The following DCAF8L2 variants were observed in gnomAD, a reference collection of about 807,000 sequenced individuals.
DCAF8L2 encodes DDB1 and CUL4 associated factor 8 like 2.
For missense variants in DCAF8L2, 430 were observed against 490.7 expected (o/e 0.88, Z 1.17); for synonymous variants, 200 against 190.9 (o/e 1.05, Z -0.39).
chrX:27,747,609 G>C lies in DCAF8L2; in HGVS notation c.714G>C (p.Gln238His). 8.3e-7 allele frequency: 1 copy of C among 1,202,918 alleles called. No homozygotes were observed. The highest frequency in any genetic ancestry group is 1.1e-6 in the Non-Finnish European group (1 of 890,797). Residue 238 changes from glutamine (Q) to histidine (H), a missense_variant, in exon 5 of 5, where the codon CAG becomes CAC. Coordinates refer to ENST00000451261, the MANE Select transcript of DCAF8L2 (RefSeq NM_001353450.2). ...VGCVNTVHFN[Q>H]RGTRLASSGD... The stretch of plus-strand genomic sequence containing the variant: ...GTGTCAATACTGTACACTTTAACCA[G>C]CGTGGCACCCGGCTGGCCAGTAGCG...
At position 27,684,554 on chromosome X, in the gene DCAF8L2, T is replaced by C. The variant is rs375444268; in HGVS notation, c.-143+6642T>C. On this transcript the variant is annotated intron_variant, in intron 3 of 4. Coordinates refer to ENST00000451261, the MANE Select transcript of DCAF8L2 (RefSeq NM_001353450.2). ...TCCAGAGACTGATAGCATATACAAC[T>C]TCCCTAATGAATATCAGAACCATAA... is the stretch of plus-strand genomic sequence containing the variant. 4.2e-3 allele frequency among the ~76,000 whole-genome samples: 470 copies of C among 111,512 alleles called. 1 individual carries two copies. Among genetic ancestry groups the C allele is most frequent in the African/African-American group, 0.014 (444 of 30,700 alleles).
chrX:27,577,573 A>G, the DCAF8L2 span, among the ~76,000 whole-genome samples: 1 of 112,100 alleles, frequency 8.9e-6, no homozygotes, highest in African/African-American at 3.2e-5. Flanking sequence ...CATAAATTAG[A>G]GAAAGGGCAT....
intron 4 of DCAF8L2, among the ~76,000 whole-genome samples, chrX:27,735,260 C>A (rs1166770174): frequency 1.8e-5 from 2 of 111,540 alleles, no homozygotes; most frequent in Non-Finnish European, 3.8e-5. Context: ...AATATAAAGA[C>A]AGGATGGTGC....
the DCAF8L2 span, among the ~76,000 whole-genome samples, chrX:27,533,228 AAGAAAGAGAAAGAAAGAAAGAAAGAAAG>A: frequency 2.3e-5 from 1 of 42,844 alleles, no homozygotes; most frequent in Admixed American, 3.2e-4. Context: ...GAAAGAAAGA[AAGAAAGAGAAAGAAAGAAAGAAAGAAAG>A]AAAGTCAAGC....
At chrX:27,597,726 T>C (rs893226726) in intron 1 of DCAF8L2, among the ~76,000 whole-genome samples, 8 of 112,334 alleles carry the variant, frequency 7.1e-5, no homozygotes, top group Admixed American at 9.5e-5. Flanking sequence ...AATTCAATTC[T>C]GCAATATATC....
the DCAF8L2 span, among the ~76,000 whole-genome samples, chrX:27,536,647 GA>G: frequency 5.7e-5 from 6 of 105,117 alleles, no homozygotes; most frequent in Admixed American, 1.0e-4. Flanking sequence ...GGAAAAATAG[GA>G]AAAAAAAAAC....
the DCAF8L2 span, among the ~76,000 whole-genome samples, chrX:27,499,876 A>G: frequency 9.0e-6 from 1 of 111,171 alleles, no homozygotes; most frequent in African/African-American, 3.3e-5. Flanking sequence ...ATCCCTTATT[A>G]GATATATGCT....
chrX:27,587,985 A>AAAAAAAAAAAAATATATATATATAT, upstream of DCAF8L2, among the ~76,000 whole-genome samples: 2 of 22,371 alleles, frequency 8.9e-5, no homozygotes, highest in African/African-American at 2.0e-4. Context: ...TAAAAAAAAA[A>AAAAAAAAAAAAATATATATATATAT]ATATATATAT....
chrX:27,664,659 A>C (rs969327493), intron 2 of DCAF8L2, among the ~76,000 whole-genome samples: 3 of 112,186 alleles, frequency 2.7e-5, no homozygotes, highest in African/African-American at 9.7e-5. Context: ...AGAATAAGTC[A>C]ATGCTTGGCT....
At chrX:27,507,870 A>C in the DCAF8L2 span, among the ~76,000 whole-genome samples, 1 of 111,501 alleles carries the variant, frequency 9.0e-6, no homozygotes, top group Non-Finnish European at 1.9e-5. Flanking sequence ...TGTATAATAT[A>C]ATCTATGTAA....
chrX:27,606,390 A>G (rs1926905149), intron 1 of DCAF8L2, among the ~76,000 whole-genome samples: 1 of 46,139 alleles, frequency 2.2e-5, no homozygotes, highest in Admixed American at 2.3e-4. Flanking sequence ...TATTCTTTTG[A>G]GACAGAGTCT....
At chrX:27,704,224 G>C (rs1391195652) in intron 3 of DCAF8L2, among the ~76,000 whole-genome samples, 9 of 86,113 alleles carry the variant, frequency 1.0e-4, no homozygotes, top group Non-Finnish European at 1.9e-4. Context: ...GCGCGCACAT[G>C]TGCGTGTACA....
intron 3 of DCAF8L2, among the ~76,000 whole-genome samples, chrX:27,705,972 G>A (rs1253085335): frequency 9.0e-6 from 1 of 111,370 alleles, no homozygotes; most frequent in Non-Finnish European, 1.9e-5. Flanking sequence ...TTTGTATGTG[G>A]TATAAGGAAG....
At chrX:27,501,273 CTGTGTGTGTGTATG>C in the DCAF8L2 span, among the ~76,000 whole-genome samples, 1 of 101,243 alleles carries the variant, frequency 9.9e-6, no homozygotes, top group Non-Finnish European at 2.0e-5. Flanking sequence ...CCCTCCTCTG[CTGTGTGTGTGTATG>C]TGTGTGTGTG....
intron 3 of DCAF8L2, among the ~76,000 whole-genome samples, chrX:27,684,224 A>G (rs1383287476): frequency 9.0e-6 from 1 of 111,630 alleles, no homozygotes; most frequent in African/African-American, 3.3e-5. Flanking sequence ...AAACATGACC[A>G]CAGGTAGGAT....
At chrX:27,571,439 C>G in the DCAF8L2 span, among the ~76,000 whole-genome samples, 1 of 111,620 alleles carries the variant, frequency 9.0e-6, no homozygotes, top group Admixed American at 9.6e-5. Flanking sequence ...TGCTAGAGTT[C>G]TGAAGTTTTT....
chrX:27,683,109 C>T (rs960467964), intron 3 of DCAF8L2, among the ~76,000 whole-genome samples: 11 of 111,368 alleles, frequency 9.9e-5, no homozygotes, highest in African/African-American at 3.2e-4. Context: ...AAGTTTTGTC[C>T]TCCTAGCTTT....
In DCAF8L2 at chrX:27,689,406, A is replaced by G. The variant is rs370038150; in HGVS notation, c.-143+11494A>G. Among the ~76,000 whole-genome samples, 16 of 111,754 alleles carry G rather than the reference A, an allele frequency of 1.4e-4. No homozygotes were observed. In the East Asian group the frequency reaches 1.7e-3, roughly 12 times the overall value. On this transcript the variant is annotated intron_variant, in intron 3 of 4. Coordinates refer to ENST00000451261, the MANE Select transcript of DCAF8L2 (RefSeq NM_001353450.2). ...ACTACAGGTGCACACCACCACACCC[A>G]GCTAATTTTTTGTATTTTTAGTAGA...
chrX:27,715,189 G>A (rs1201047961), intron 3 of DCAF8L2, among the ~76,000 whole-genome samples: 1 of 109,764 alleles, frequency 9.1e-6, no homozygotes, highest in South Asian at 3.9e-4. Flanking sequence ...TCAGGAGATC[G>A]AGACCATCCT....
Sources: gnomAD v4.1 joint callset for allele counts (sites outside exome capture counted in the v4.1 genomes callset) on GRCh38, gnomAD v4.1.1 for gene constraint, MANE v1.5 for transcripts, NCBI Gene and HGNC (gene_info 2026-07-23, HGNC 2026-07-21) for gene names.